The following ACBD7 variants were observed in gnomAD, a reference collection of about 807,000 sequenced individuals.
ACBD7 encodes acyl-CoA binding domain containing 7, also known as acyl-CoA-binding domain-containing protein 7.
ACBD7 carries 11 observed loss-of-function variants against 13.7 expected under a neutral mutation model. That is an observed-to-expected ratio of 0.80 (90% CI 0.50 to 1.33). ACBD7 has a LOEUF of 1.33. Ranked by LOEUF, ACBD7 falls within the 40% of genes most tolerant of loss-of-function variation. The probability of loss-of-function intolerance (pLI) is 0.00; values close to 1 mark genes in which losing one functional copy is unlikely to be tolerated. For synonymous variants in ACBD7, 43 were observed against 37.7 expected (o/e 1.14, Z -0.51); for missense variants, 111 against 103.0 (o/e 1.08, Z -0.33).
chr10:15,084,220 C>T (rs1352790658), intron 1 of ACBD7, among the ~76,000 whole-genome samples: 1 of 140,818 alleles, frequency 7.1e-6, no homozygotes, highest in East Asian at 1.9e-4. Context: ...AATAAACAAT[C>T]AATCAATAAT....
rs1051644285 is a variant in ACBD7 at position 15,075,702 on chromosome 10, G to A, written c.*2828C>T. On this transcript the variant is annotated 3_prime_UTR_variant, in exon 4 of 4. Transcript: ENST00000356189. ...CCTTTCAAGAATCCTGGCTGGACGC[G>A]GTGGCTCATGCCTATAGTCTCAGCA... 1.3e-5 allele frequency among the ~76,000 whole-genome samples: 2 copies of A among 152,040 alleles called. No individual in the cohort carries two copies. The highest frequency in any genetic ancestry group is 2.1e-4 in the South Asian group (1 of 4,826).
intron 1 of ACBD7, among the ~76,000 whole-genome samples, chr10:15,085,746 A>G (rs184901224): frequency 2.6e-5 from 4 of 152,338 alleles, no homozygotes; most frequent in African/African-American, 9.6e-5. Flanking sequence ...ATGGAAACAT[A>G]TTGTAATTTT....
At chr10:15,086,712 C>G (rs1459098948) in intron 1 of ACBD7, among the ~76,000 whole-genome samples, 1 of 151,764 alleles carries the variant, frequency 6.6e-6, no homozygotes, top group Non-Finnish European at 1.5e-5. Flanking sequence ...CAAATGTCTA[C>G]AAAAGATACA....
At chr10:15,085,323 C>A (rs1324761878) in intron 1 of ACBD7, among the ~76,000 whole-genome samples, 1 of 152,242 alleles carries the variant, frequency 6.6e-6, no homozygotes, top group Admixed American at 6.5e-5. Flanking sequence ...TGGGTGCATC[C>A]TTCCGTGCTG....
intron 1 of ACBD7, among the ~76,000 whole-genome samples, chr10:15,079,852 C>G (rs1844729943): frequency 6.6e-6 from 1 of 150,912 alleles, no homozygotes; most frequent in African/African-American, 2.4e-5. Context: ...GCTGGGATTA[C>G]AGGTGTGAGC....
chr10:15,083,540 G>C lies in ACBD7; in HGVS notation c.13-4500C>G, dbSNP rs1047951978. Reference sequence around the variant, plus strand: ...TCTGTTGTCCAAGCTAGAGTACAGCGGCACAATCACGGCTCACTGCAACCT... The same window carrying C: ...TCTGTTGTCCAAGCTAGAGTACAGCCGCACAATCACGGCTCACTGCAACCT... On this transcript the variant is annotated intron_variant, in intron 1 of 3. Transcript: ENST00000356189. Among the ~76,000 whole-genome samples the C allele has an allele frequency of 2.6e-5, 4 of 152,254 alleles. No individual in the cohort carries two copies. In the East Asian group the frequency reaches 7.7e-4, roughly 29 times the overall value.
Position 15,078,651 on chromosome 10 carries a change from TTA to T in ACBD7, c.193+38_193+39del, listed in dbSNP as rs1372331616. The T allele has an allele frequency of 2.5e-6, 4 of 1,613,928 alleles. No individual in the cohort carries two copies. In the East Asian group the frequency reaches 8.9e-5, roughly 36 times the overall value. ...TCTCCCTGATTGGTGCACTGGGAAA[TTA>T]AGAAAGTTTGCTTTAAACTTGTGAA... On this transcript the variant is annotated intron_variant, in intron 3 of 3. Transcript: ENST00000356189.
rs1261568683 is a variant in ACBD7, at chr10:15,077,412, G to A, written c.*1118C>T. The A allele has an allele frequency of 2.0e-5, 3 of 152,212 alleles. No homozygotes were observed. In the South Asian group the frequency reaches 6.2e-4, roughly 32 times the overall value. 9.4% of individuals were successfully genotyped at this position (152,212 alleles called of 1,614,324 possible). A position where few individuals can be genotyped will look rare whatever the true frequency, so the allele number is the denominator to read the frequency against. On this transcript the variant is annotated 3_prime_UTR_variant, in exon 4 of 4. Coordinates refer to ENST00000356189, the MANE Select transcript of ACBD7 (RefSeq NM_001039844.3). ...ACCACATGTTTTCACTTATAAGTGG[G>A]AGTTAAACAGGGTGTATACAGGGTC...
Position 15,075,961 on chromosome 10 carries a change from G to T in ACBD7, c.*2569C>A. 4.9e-6 allele frequency: 2 copies of T among 411,946 alleles called. No individual in the cohort carries two copies. The highest frequency in any genetic ancestry group is 6.2e-6 in the Non-Finnish European group (2 of 321,390). 25.5% of individuals were successfully genotyped at this position (411,946 alleles called of 1,614,324 possible). On this transcript the variant is annotated 3_prime_UTR_variant, in exon 4 of 4. Transcript: ENST00000356189. Reference sequence around the variant, plus strand: ...TGCGCTCCAGCCTGGGTAACAGAGTGACAGCCTGTCTCAACAAAAAAAAAA... The same window carrying T: ...TGCGCTCCAGCCTGGGTAACAGAGTTACAGCCTGTCTCAACAAAAAAAAAA...
chr10:15,088,724 G>A lies in ACBD7; in HGVS notation c.5C>T (p.Ala2Val), dbSNP rs765123556. Residue 2 changes from alanine (A) to valine (V), a missense_variant, in exon 1 of 4, where the codon GCC becomes GTC. Physicochemically the swap from Ala to Val is moderately conservative, Grantham distance 64. Transcript: ENST00000356189. ...TCCCCGCGCCCCGGGTACCTGCAGG[G>A]CCATGGTGGCGGCTGCCGCGTTGTT... The part of the protein sequence containing the change: M[A>V]LQADFDRAAE... The A allele has an allele frequency of 1.4e-5, 23 of 1,598,754 alleles. No individual in the cohort carries two copies. The highest frequency in any genetic ancestry group is 1.7e-4 in the Middle Eastern group (1 of 6,016).
chr10:15,085,658 G>GT (rs1243802144), intron 1 of ACBD7, among the ~76,000 whole-genome samples: 3 of 152,156 alleles, frequency 2.0e-5, no homozygotes, highest in Non-Finnish European at 4.4e-5. Context: ...GAAGAAGTCT[G>GT]TTTTTTAGCT....
Position 15,078,418 on chromosome 10 carries a change from T to C in ACBD7, c.*112A>G. 1.9e-6 allele frequency: 3 copies of C among 1,583,942 alleles called. No homozygotes were observed. In the South Asian group the frequency reaches 3.4e-5, roughly 18 times the overall value. The stretch of plus-strand genomic sequence containing the variant: ...TTCTAAGTACTACAGCTCATGCTAA[T>C]AGCAAAAATATACATGATACATCAA... On this transcript the variant is annotated 3_prime_UTR_variant, in exon 4 of 4. Transcript: ENST00000356189.
chr10:15,088,540 G>T, intron 1 of ACBD7, 177 bp downstream of exon 1: 1 of 872,702 alleles, frequency 1.1e-6, no homozygotes, highest in Non-Finnish European at 1.6e-6. Context: ...GCCCTGGCTC[G>T]CCGTCAGCAG....
At chr10:15,086,239 GGAGGTTGCAGT>G (rs1844806652) in intron 1 of ACBD7, among the ~76,000 whole-genome samples, 1 of 152,064 alleles carries the variant, frequency 6.6e-6, no homozygotes, top group African/African-American at 2.4e-5. Context: ...TCTGGGAGGT[GGAGGTTGCAGT>G]GAGTCAAGAT....
intron 1 of ACBD7, among the ~76,000 whole-genome samples, chr10:15,079,465 G>C (rs1342380364): frequency 2.6e-5 from 4 of 151,846 alleles, no homozygotes; most frequent in Admixed American, 2.6e-4. Context: ...TGTAGAGATG[G>C]GGTTTTGTCA....
At chr10:15,084,642 TG>T (rs1270894363) in intron 1 of ACBD7, among the ~76,000 whole-genome samples, 3 of 152,224 alleles carry the variant, frequency 2.0e-5, no homozygotes, top group Non-Finnish European at 2.9e-5. Context: ...TTACTTGGTG[TG>T]CATCCTATGT....
chr10:15,076,226 A>G lies in ACBD7; in HGVS notation c.*2304T>C, dbSNP rs1240001201. On this transcript the variant is annotated 3_prime_UTR_variant, in exon 4 of 4. Coordinates refer to ENST00000356189, the MANE Select transcript of ACBD7 (RefSeq NM_001039844.3). ...GGGGATATTTATCTTAAGGGATCTC[A>G]AACAATTTTTTGAATTGTTAACATG... 9.1e-6 allele frequency: 9 copies of G among 985,226 alleles called. No homozygotes were observed. The highest frequency in any genetic ancestry group is 1.7e-5 in the African/African-American group (1 of 57,212). 61.0% of individuals were successfully genotyped at this position (985,226 alleles called of 1,614,324 possible). A position where few individuals can be genotyped will look rare whatever the true frequency, so the allele number is the denominator to read the frequency against.
At chr10:15,086,346 C>A (rs567653119) in intron 1 of ACBD7, among the ~76,000 whole-genome samples, 3 of 151,790 alleles carry the variant, frequency 2.0e-5, no homozygotes, top group Non-Finnish European at 4.4e-5. Context: ...ATTGTTGACA[C>A]GCAAATGCAT....
At chr10:15,082,575 C>G (rs1844762454) in intron 1 of ACBD7, among the ~76,000 whole-genome samples, 1 of 152,166 alleles carries the variant, frequency 6.6e-6, no homozygotes, top group African/African-American at 2.4e-5. Flanking sequence ...AGTGGCTGAG[C>G]TGCTTGAGGG....
Sources: allele counts gnomAD v4.1 joint callset (sites outside exome capture counted in the v4.1 genomes callset), GRCh38; gene constraint gnomAD v4.1.1; transcripts MANE v1.5; gene names NCBI Gene and HGNC (gene_info 2026-07-23, HGNC 2026-07-21).